Variants in ZDHHC14 observed in about 807,000 individuals in gnomAD.
ZDHHC14 encodes the protein palmitoyltransferase ZDHHC14.
ZDHHC14 carries 16 observed loss-of-function variants against 47.7 expected under a neutral mutation model. That is an observed-to-expected ratio of 0.34 (90% CI 0.23 to 0.51). The LOEUF (loss-of-function observed/expected upper bound fraction) is 0.51. ZDHHC14 is among the 20% of genes least tolerant of loss of function. ZDHHC14 has a pLI of 0.97. For missense variants in ZDHHC14, 515 were observed against 662.5 expected (o/e 0.78, Z 2.44); for synonymous variants, 293 against 278.9 (o/e 1.05, Z -0.50).
intron 2 of ZDHHC14, among the ~76,000 whole-genome samples, chr6:157,553,164 C>T (rs1451863806): frequency 6.6e-6 from 1 of 152,146 alleles, no homozygotes; most frequent in African/African-American, 2.4e-5. Flanking sequence ...CTAAACCAAC[C>T]TAACCAGATT....
chr6:157,412,964 C>T (rs1272714697), intron 1 of ZDHHC14, among the ~76,000 whole-genome samples: 1 of 152,104 alleles, frequency 6.6e-6, no homozygotes, highest in Non-Finnish European at 1.5e-5. Context: ...TTTAGAGAGC[C>T]CGTGGGGTTA....
intron 3 of ZDHHC14, among the ~76,000 whole-genome samples, chr6:157,617,490 A>C (rs1335350098): frequency 1.3e-5 from 2 of 152,150 alleles, no homozygotes; most frequent in Non-Finnish European, 2.9e-5. Flanking sequence ...GCTCATAGAC[A>C]CAGCTCTCTG....
intron 1 of ZDHHC14, among the ~76,000 whole-genome samples, chr6:157,413,863 C>T (rs991091562): frequency 4.6e-5 from 7 of 152,104 alleles, no homozygotes; most frequent in Non-Finnish European, 7.4e-5. Context: ...ACTGTATTCC[C>T]TCCACCCTGG....
chr6:157,426,785 T>C (rs1205376140), intron 1 of ZDHHC14, among the ~76,000 whole-genome samples: 1 of 152,140 alleles, frequency 6.6e-6, no homozygotes, highest in African/African-American at 2.4e-5. Flanking sequence ...AGCGTGAGGT[T>C]CTACAGAGCT....
At chr6:157,655,507 C>T (rs529147880) in intron 8 of ZDHHC14, among the ~76,000 whole-genome samples, 1 of 152,226 alleles carries the variant, frequency 6.6e-6, no homozygotes, top group East Asian at 1.9e-4. Flanking sequence ...CGCAGGTGCA[C>T]AAGAAGTGCC....
At chr6:157,485,197 A>G (rs1377930119) in intron 1 of ZDHHC14, among the ~76,000 whole-genome samples, 2 of 152,146 alleles carry the variant, frequency 1.3e-5, no homozygotes, top group Non-Finnish European at 2.9e-5. Context: ...GAGCCTGATC[A>G]CTCGTGAACT....
At chr6:157,426,158 C>T (rs9331338) in intron 1 of ZDHHC14, among the ~76,000 whole-genome samples, 36,839 of 151,908 alleles carry the variant, frequency 0.24, 4,971 homozygotes, top group East Asian at 0.38. Flanking sequence ...GTGAGAGCCT[C>T]CCGCAAGGTG....
chr6:157,593,224 G>A (rs758368025), intron 3 of ZDHHC14, 78 bp downstream of exon 3: 127 of 1,481,372 alleles, frequency 8.6e-5, no homozygotes, highest in Non-Finnish European at 1.1e-4. Context: ...CCTGCGCCAC[G>A]GAACACTCAG....
chr6:157,645,227 C>T (rs1777462858), intron 5 of ZDHHC14, among the ~76,000 whole-genome samples: 1 of 152,178 alleles, frequency 6.6e-6, no homozygotes, highest in African/African-American at 2.4e-5. Context: ...AGAGGGCTTT[C>T]TGGGCCTCAG....
chr6:157,424,666 A>T (rs1778180790), intron 1 of ZDHHC14, among the ~76,000 whole-genome samples: 3 of 152,196 alleles, frequency 2.0e-5, no homozygotes, highest in Admixed American at 1.3e-4. Context: ...CCCTGCCCCG[A>T]GCAGTGATTT....
chr6:157,665,445 T>C (rs1389302639), intron 8 of ZDHHC14, among the ~76,000 whole-genome samples: 2 of 152,164 alleles, frequency 1.3e-5, no homozygotes, highest in Admixed American at 6.5e-5. Context: ...ACTCAGCATG[T>C]TCATTTGCAG....
At chr6:157,550,893 G>T (rs998767663) in intron 2 of ZDHHC14, among the ~76,000 whole-genome samples, 3 of 152,196 alleles carry the variant, frequency 2.0e-5, no homozygotes, top group African/African-American at 7.2e-5. Flanking sequence ...CTAAAACACA[G>T]AATATACTGT....
At chr6:157,620,362 A>T (rs189902250) in intron 3 of ZDHHC14, among the ~76,000 whole-genome samples, 2 of 152,122 alleles carry the variant, frequency 1.3e-5, no homozygotes, top group African/African-American at 4.8e-5. Flanking sequence ...ATTACCTCTC[A>T]ATTACCATAG....
At chr6:157,531,582 G>C (rs554487464) in intron 1 of ZDHHC14, among the ~76,000 whole-genome samples, 1 of 152,130 alleles carries the variant, frequency 6.6e-6, no homozygotes, top group African/African-American at 2.4e-5. Flanking sequence ...GTAGTGTGCT[G>C]ATTTGCCCCA....
At position 157,675,661 on chromosome 6, in the gene ZDHHC14, C is replaced by T. The variant is rs1454412797; in HGVS notation, c.*2539C>T. The T allele has an allele frequency of 3.9e-5, 6 of 152,230 alleles. No homozygotes were observed. The highest frequency in any genetic ancestry group is 7.3e-5 in the Non-Finnish European group (5 of 68,040). The allele number at this position is 152,230 out of a possible 1,614,324, so 9.4% of individuals were successfully genotyped here. ...ATGATGCCCCCTGGGGCGCCCACTTCTGTTTGTCAGGAGGGATGGTCGGAG... is the reference window on the plus strand; with the variant it reads ...ATGATGCCCCCTGGGGCGCCCACTTTTGTTTGTCAGGAGGGATGGTCGGAG... On this transcript the variant is annotated 3_prime_UTR_variant, in exon 9 of 9. Transcript: ENST00000359775.
intron 3 of ZDHHC14, among the ~76,000 whole-genome samples, chr6:157,603,212 C>T (rs986587487): frequency 1.3e-5 from 2 of 152,222 alleles, no homozygotes; most frequent in Admixed American, 1.3e-4. Flanking sequence ...AATCCAGAAG[C>T]ACTTATGGAG....
rs756603711 is a variant in ZDHHC14 at position 157,653,553 on chromosome 6, C to G, written c.994C>G (p.Pro332Ala). Residue 332 changes from proline to alanine, a missense_variant, in exon 8 of 9, where the codon CCC becomes GCC. By Grantham distance (27) the Pro-to-Ala change is conservative. Coordinates refer to ENST00000359775, the MANE Select transcript of ZDHHC14 (RefSeq NM_024630.3). ...SLIDRRGYIQ[P>A]DTPQPAAPSN... ...GATCGACAGAAGAGGGTACATCCAG[C>G]CCGACACGCCGCAGCCAGCAGCACC... is the stretch of plus-strand genomic sequence containing the variant. 3 of 1,613,882 alleles carry G rather than the reference C, an allele frequency of 1.9e-6. No individual in the cohort carries two copies. In the South Asian group the frequency reaches 3.3e-5, roughly 18 times the overall value.
At chr6:157,417,495 C>A (rs1354229434) in intron 1 of ZDHHC14, among the ~76,000 whole-genome samples, 1 of 152,200 alleles carries the variant, frequency 6.6e-6, no homozygotes, top group Non-Finnish European at 1.5e-5. Flanking sequence ...CTAATTTACT[C>A]AGCCAGGATG....
intron 1 of ZDHHC14, among the ~76,000 whole-genome samples, chr6:157,447,042 C>A (rs1235045769): frequency 1.3e-5 from 2 of 152,008 alleles, no homozygotes; most frequent in African/African-American, 4.8e-5. Context: ...TCGCTTGAAC[C>A]CGGGACGTGG....
Sources: allele counts gnomAD v4.1 joint callset (sites outside exome capture counted in the v4.1 genomes callset), GRCh38; gene constraint gnomAD v4.1.1; transcripts MANE v1.5; gene names NCBI Gene and HGNC (gene_info 2026-07-23, HGNC 2026-07-21).